Variants in NTN1 observed in about 807,000 individuals in gnomAD.
NTN1 encodes netrin-1.
NTN1 carries 11 observed loss-of-function variants against 54.2 expected under a neutral mutation model. The observed-to-expected ratio is 0.20, with a 90% CI of 0.13 to 0.34. NTN1 has a LOEUF of 0.34. NTN1 is among the 10% of genes least tolerant of loss of function. NTN1 has a pLI of 1.00. For synonymous variants in NTN1, 371 were observed against 382.0 expected (o/e 0.97, Z 0.33); for missense variants, 740 against 893.1 (o/e 0.83, Z 2.18).
chr17:9,026,682 T>A (rs1455946378), intron 2 of NTN1, among the ~76,000 whole-genome samples: 1 of 150,658 alleles, frequency 6.6e-6, no homozygotes, highest in Non-Finnish European at 1.5e-5. Flanking sequence ...CAAAAGAGCA[T>A]CTGAAGACCA....
intron 6 of NTN1, among the ~76,000 whole-genome samples, chr17:9,231,881 T>C (rs1019926061): frequency 3.3e-5 from 5 of 152,200 alleles, no homozygotes. Flanking sequence ...TGGGCCCCCA[T>C]TGCTGCTGAG....
chr17:9,215,210 A>G (rs963298789), intron 5 of NTN1, among the ~76,000 whole-genome samples: 2 of 151,610 alleles, frequency 1.3e-5, no homozygotes, highest in East Asian at 3.9e-4. Context: ...TGAAGTTTCA[A>G]ACTAAATTTA....
chr17:9,036,809 A>T (rs1038925046), intron 2 of NTN1, among the ~76,000 whole-genome samples: 10 of 151,990 alleles, frequency 6.6e-5, no homozygotes, highest in African/African-American at 1.9e-4. Context: ...CAGCTCTATA[A>T]CTTGAATGAT....
At chr17:9,011,495 C>T in the NTN1 span, among the ~76,000 whole-genome samples, 1 of 152,210 alleles carries the variant, frequency 6.6e-6, no homozygotes, top group African/African-American at 2.4e-5. Context: ...AACAATTTCT[C>T]CATCTCAAGA....
chr17:9,210,613 T>C (rs1386031111), intron 5 of NTN1, among the ~76,000 whole-genome samples: 2 of 152,118 alleles, frequency 1.3e-5, no homozygotes, highest in African/African-American at 4.8e-5. Context: ...TCATCCTCGC[T>C]AAGAAGAGCC....
At chr17:9,124,531 C>T (rs1318146280) in intron 2 of NTN1, among the ~76,000 whole-genome samples, 3 of 152,226 alleles carry the variant, frequency 2.0e-5, no homozygotes, top group Admixed American at 6.5e-5. Flanking sequence ...AGACCACACT[C>T]AGCTGTGCTT....
chr17:9,225,141 A>T (rs1246876710), intron 6 of NTN1, among the ~76,000 whole-genome samples: 1 of 152,112 alleles, frequency 6.6e-6, no homozygotes, highest in Non-Finnish European at 1.5e-5. Flanking sequence ...GTGCACCTGT[A>T]ATCCCAGGGA....
chr17:9,242,996 G>A lies in NTN1; in HGVS notation c.*3028G>A, dbSNP rs553979363. 1 of 152,344 alleles carries A rather than the reference G, an allele frequency of 6.6e-6. No homozygotes were observed. The highest frequency in any genetic ancestry group is 1.9e-4 in the East Asian group (1 of 5,188). 9.4% of individuals were successfully genotyped at this position (152,344 alleles called of 1,614,324 possible). On this transcript the variant is annotated 3_prime_UTR_variant, in exon 7 of 7. Transcript: ENST00000173229. ...TGTGCTATGTAGGTGTTTGTTTGAAGAAAAACATACCAGATTAGTCTTTGT... is the reference window on the plus strand; with the variant it reads ...TGTGCTATGTAGGTGTTTGTTTGAAAAAAAACATACCAGATTAGTCTTTGT...
intron 2 of NTN1, among the ~76,000 whole-genome samples, chr17:9,065,647 C>T (rs1422137788): frequency 1.3e-5 from 2 of 152,214 alleles, no homozygotes; most frequent in East Asian, 1.9e-4. Flanking sequence ...CCCCAGCCTC[C>T]AGACCAGGCC....
chr17:9,007,216 T>A, the NTN1 span, among the ~76,000 whole-genome samples: 1 of 151,508 alleles, frequency 6.6e-6, no homozygotes, highest in South Asian at 2.1e-4. Flanking sequence ...TTTCTTCCTT[T>A]CTTTCTCTCT....
chr17:9,236,940 G>A (rs761673400), intron 6 of NTN1, among the ~76,000 whole-genome samples: 17 of 152,130 alleles, frequency 1.1e-4, no homozygotes, highest in Non-Finnish European at 1.9e-4. Flanking sequence ...TGACCCCAGG[G>A]AGTGAGAAGG....
At chr17:9,191,375 G>A (rs910139019) in intron 5 of NTN1, among the ~76,000 whole-genome samples, 5 of 152,002 alleles carry the variant, frequency 3.3e-5, no homozygotes, top group African/African-American at 7.2e-5. Context: ...CAGGAGAATC[G>A]CTTGAACCTG....
At chr17:9,105,896 C>T (rs141281421) in intron 2 of NTN1, among the ~76,000 whole-genome samples, 3 of 151,850 alleles carry the variant, frequency 2.0e-5, no homozygotes, top group Non-Finnish European at 4.4e-5. Flanking sequence ...TGAGCAGACA[C>T]ACCCTGGTAT....
intron 2 of NTN1, among the ~76,000 whole-genome samples, chr17:9,121,548 A>G (rs901948383): frequency 6.6e-6 from 1 of 152,066 alleles, no homozygotes; most frequent in Non-Finnish European, 1.5e-5. Flanking sequence ...CACTGTGATC[A>G]CTGGCGCTCA....
intron 5 of NTN1, among the ~76,000 whole-genome samples, chr17:9,184,152 G>A (rs2092426651): frequency 1.3e-5 from 2 of 152,296 alleles, no homozygotes; most frequent in South Asian, 4.1e-4. Context: ...CTTGAGGGAA[G>A]ACAGATTCGG....
At chr17:9,014,119 TTGGGGA>T in the NTN1 span, among the ~76,000 whole-genome samples, 2 of 152,142 alleles carry the variant, frequency 1.3e-5, no homozygotes, top group Admixed American at 6.5e-5. Context: ...ATAAACGACG[TTGGGGA>T]AATGGATATC....
chr17:9,064,890 C>T (rs1048043769), intron 2 of NTN1, among the ~76,000 whole-genome samples: 3 of 152,178 alleles, frequency 2.0e-5, no homozygotes, highest in African/African-American at 7.2e-5. Context: ...GCCCAAGTAG[C>T]TGGCACTACA....
At chr17:9,103,656 A>G (rs970892524) in intron 2 of NTN1, among the ~76,000 whole-genome samples, 5 of 152,154 alleles carry the variant, frequency 3.3e-5, no homozygotes, top group Non-Finnish European at 2.9e-5. Context: ...TGTCTTTATT[A>G]GCAGCATGAG....
intron 6 of NTN1, among the ~76,000 whole-genome samples, chr17:9,226,953 C>G (rs1458747796): frequency 6.6e-6 from 1 of 152,098 alleles, no homozygotes; most frequent in Non-Finnish European, 1.5e-5. Flanking sequence ...CAGCCCCGCC[C>G]CCCGAGGCCC....
Sources: gnomAD v4.1 joint callset for allele counts (sites outside exome capture counted in the v4.1 genomes callset) on GRCh38, gnomAD v4.1.1 for gene constraint, MANE v1.5 for transcripts, NCBI Gene and HGNC (gene_info 2026-07-23, HGNC 2026-07-21) for gene names.